PRKAG2: variants seen among roughly 807,000 people sequenced by gnomAD.
The protein encoded by PRKAG2 is 5'-AMP-activated protein kinase subunit gamma-2.
In PRKAG2, 26 loss-of-function variants were observed where a neutral mutation model predicts 69.6. That is an observed-to-expected ratio of 0.37 (90% CI 0.27 to 0.52). PRKAG2 has a LOEUF of 0.52. Ranked by LOEUF, PRKAG2 falls within the 20% of genes least tolerant of loss-of-function variation. The pLI is 0.90. For missense variants in PRKAG2, 557 were observed against 740.0 expected (o/e 0.75, Z 2.87); for synonymous variants, 293 against 285.0 (o/e 1.03, Z -0.28).
intron 1 of PRKAG2, among the ~76,000 whole-genome samples, chr7:151,822,508 G>A (rs11763769): frequency 0.29 from 44,843 of 152,098 alleles, 7,171 homozygotes; most frequent in Admixed American, 0.38. Flanking sequence ...AGCACGCGGC[G>A]GCCCAGGTCC....
At chr7:151,830,528 G>A (rs1273467297) in intron 1 of PRKAG2, among the ~76,000 whole-genome samples, 3 of 151,948 alleles carry the variant, frequency 2.0e-5, no homozygotes, top group African/African-American at 4.8e-5. Flanking sequence ...ACTGGGGGAC[G>A]GAAACTCTGA....
At chr7:151,797,767 A>G (rs1203911477) in intron 1 of PRKAG2, among the ~76,000 whole-genome samples, 1 of 152,212 alleles carries the variant, frequency 6.6e-6, no homozygotes, top group Non-Finnish European at 1.5e-5. Context: ...AAGCATAGTG[A>G]ATAGAGGAGC....
intron 3 of PRKAG2, among the ~76,000 whole-genome samples, chr7:151,733,659 C>T (rs1799305582): frequency 6.6e-6 from 1 of 151,972 alleles, no homozygotes; most frequent in African/African-American, 2.4e-5. Flanking sequence ...TCCATCCCTC[C>T]TCTCCCTGCT....
intron 3 of PRKAG2, among the ~76,000 whole-genome samples, chr7:151,767,831 T>C (rs981882039): frequency 2.6e-5 from 4 of 151,654 alleles, no homozygotes; most frequent in African/African-American, 9.7e-5. Flanking sequence ...AAGGAAGAAC[T>C]GGCCAAAAGC....
At chr7:151,661,032 T>G (rs971506921) in intron 4 of PRKAG2, among the ~76,000 whole-genome samples, 1 of 152,194 alleles carries the variant, frequency 6.6e-6, no homozygotes, top group Non-Finnish European at 1.5e-5. Context: ...ATGTTGTTTT[T>G]AAAAGAGAGA....
At chr7:151,779,185 T>C (rs576677137) in intron 3 of PRKAG2, among the ~76,000 whole-genome samples, 3 of 152,354 alleles carry the variant, frequency 2.0e-5, no homozygotes, top group South Asian at 2.1e-4. Context: ...GAAATTGATA[T>C]GGTTTCAAAA....
chr7:151,876,761 A>T lies in PRKAG2; in HGVS notation c.-141T>A, dbSNP rs1198512044. ...CTCGTGGGGACTTCCGCGGAGAGGG[A>T]GGGTGAGCAGGGAACTCGCGCGGCC... On this transcript the variant is annotated 5_prime_UTR_variant, in exon 1 of 16. Coordinates refer to ENST00000287878, the MANE Select transcript of PRKAG2 (RefSeq NM_016203.4). 3.7e-6 allele frequency: 3 copies of T among 818,646 alleles called. No individual in the cohort carries two copies. Among genetic ancestry groups the T allele is most frequent in the East Asian group, 2.7e-5 (1 of 37,188 alleles). 50.7% of individuals were successfully genotyped at this position (818,646 alleles called of 1,614,324 possible).
At chr7:151,644,674 T>C (rs1366459120) in intron 4 of PRKAG2, among the ~76,000 whole-genome samples, 1 of 152,202 alleles carries the variant, frequency 6.6e-6, no homozygotes, top group African/African-American at 2.4e-5. Context: ...TGTAGGAACA[T>C]GCTTTCATTT....
chr7:151,711,894 C>T (rs1795378086), intron 3 of PRKAG2, among the ~76,000 whole-genome samples: 1 of 152,248 alleles, frequency 6.6e-6, no homozygotes, highest in South Asian at 2.1e-4. Context: ...GGTGCTAACT[C>T]TAGACATGGG....
At chr7:151,794,847 C>T (rs969200772) in intron 1 of PRKAG2, among the ~76,000 whole-genome samples, 3 of 152,230 alleles carry the variant, frequency 2.0e-5, no homozygotes, top group Non-Finnish European at 2.9e-5. Context: ...GCAGCCGAGC[C>T]TTTCCTTGCC....
chr7:151,846,672 G>A (rs73728417), intron 1 of PRKAG2, among the ~76,000 whole-genome samples: 45 of 152,258 alleles, frequency 3.0e-4, no homozygotes, highest in African/African-American at 1.1e-3. Flanking sequence ...GTGTGTATGC[G>A]TGTGCATGTG....
chr7:151,759,690 C>G (rs2151754520), intron 3 of PRKAG2, among the ~76,000 whole-genome samples: 1 of 152,310 alleles, frequency 6.6e-6, no homozygotes, highest in African/African-American at 2.4e-5. Flanking sequence ...CAACCTGCTC[C>G]CAGCACCAGA....
intron 3 of PRKAG2, among the ~76,000 whole-genome samples, chr7:151,724,153 C>T (rs774898370): frequency 6.6e-6 from 1 of 152,100 alleles, no homozygotes; most frequent in African/African-American, 2.4e-5. Context: ...GGGGACCTAC[C>T]TGTCTTGTGG....
rs571908902 is a variant in PRKAG2, at chr7:151,876,963, C to G, written c.-343G>C. 5 of 393,734 alleles carry G rather than the reference C, an allele frequency of 1.3e-5. No individual in the cohort carries two copies. The East Asian group carries it at 2.3e-4, about 18-fold the overall frequency. 24.4% of individuals were successfully genotyped at this position (393,734 alleles called of 1,614,324 possible). A position where few individuals can be genotyped will look rare whatever the true frequency, so the allele number is the denominator to read the frequency against. ...AGCTAAGAAACATTTTCCACCCTCT[C>G]GGCTCCTCCCACAGATTCCCAGAGG... On this transcript the variant is annotated 5_prime_UTR_variant, in exon 1 of 16. Transcript: ENST00000287878.
chr7:151,639,506 T>G (rs1826311461), intron 4 of PRKAG2, among the ~76,000 whole-genome samples: 1 of 152,198 alleles, frequency 6.6e-6, no homozygotes, highest in Non-Finnish European at 1.5e-5. Flanking sequence ...GGGGAAGATC[T>G]GCCTCCAGTG....
At chr7:151,590,235 G>GA (rs1161314498) in intron 6 of PRKAG2, among the ~76,000 whole-genome samples, 2 of 152,262 alleles carry the variant, frequency 1.3e-5, no homozygotes, top group Non-Finnish European at 2.9e-5. Flanking sequence ...GGGCCTCTGA[G>GA]AAAACCTCAA....
chr7:151,829,814 A>T (rs2078983735), intron 1 of PRKAG2, among the ~76,000 whole-genome samples: 1 of 151,754 alleles, frequency 6.6e-6, no homozygotes, highest in Admixed American at 6.6e-5. Context: ...GCAGCGGGGG[A>T]GGGCATAAGA....
At chr7:151,717,619 G>C (rs1473294747) in intron 3 of PRKAG2, among the ~76,000 whole-genome samples, 2 of 152,204 alleles carry the variant, frequency 1.3e-5, no homozygotes, top group African/African-American at 4.8e-5. Flanking sequence ...CTCTGGACTG[G>C]CTCCCGTGTG....
chr7:151,582,832 A>G (rs1810811223), intron 6 of PRKAG2, among the ~76,000 whole-genome samples: 1 of 152,076 alleles, frequency 6.6e-6, no homozygotes, highest in African/African-American at 2.4e-5. Context: ...CAGTCACTTA[A>G]CCCTCTGTGA....
Sources: gnomAD v4.1 joint callset for allele counts (sites outside exome capture counted in the v4.1 genomes callset) on GRCh38, gnomAD v4.1.1 for gene constraint, MANE v1.5 for transcripts, NCBI Gene and HGNC (gene_info 2026-07-23, HGNC 2026-07-21) for gene names.